SFT2D1: variants seen among roughly 807,000 people sequenced by gnomAD.
The protein encoded by SFT2D1 is vesicle transport protein SFT2A.
A neutral mutation model predicts 28.1 loss-of-function variants in SFT2D1; 24 were observed. The ratio of observed to expected loss-of-function variants is 0.85; its 90% CI spans 0.62 to 1.20. The LOEUF is 1.20. SFT2D1 is among the 50% of genes most tolerant of loss of function. The pLI is 0.00. For synonymous variants in SFT2D1, 82 were observed against 73.7 expected, an observed-to-expected ratio of 1.11 and a Z score of -0.58; for missense variants, 181 against 190.9, an observed-to-expected ratio of 0.95 and a Z score of 0.31.
chr6:166,341,362 T>C (rs1209163054), intron 1 of SFT2D1, among the ~76,000 whole-genome samples: 7 of 151,068 alleles, frequency 4.6e-5, no homozygotes. Flanking sequence ...GGCAGGAGAA[T>C]TGCTTGAACC....
intron 4 of SFT2D1, among the ~76,000 whole-genome samples, chr6:166,327,715 C>T (rs1778473781): frequency 6.6e-6 from 1 of 152,166 alleles, no homozygotes; most frequent in Non-Finnish European, 1.5e-5. Flanking sequence ...CTACACCATG[C>T]CATATACGCA....
At chr6:166,333,984 C>T (rs1386491631) in intron 1 of SFT2D1, among the ~76,000 whole-genome samples, 3 of 152,208 alleles carry the variant, frequency 2.0e-5, no homozygotes, top group Non-Finnish European at 4.4e-5. Context: ...CTGAGATCCA[C>T]CTGTCCACCC....
chr6:166,328,272 T>C lies in SFT2D1; in HGVS notation c.315+4A>G, dbSNP rs1778487949. The C allele has an allele frequency of 1.3e-6, 2 of 1,567,990 alleles. No homozygotes were observed. Among genetic ancestry groups the C allele is most frequent in the African/African-American group, 2.7e-5 (2 of 73,196 alleles). On this transcript the variant is annotated splice_donor_region_variant and intron_variant, in intron 4 of 7. Coordinates refer to ENST00000361731, the MANE Select transcript of SFT2D1 (RefSeq NM_145169.3). ...AAAGTTTTAAAAATGTATTATTTAC[T>C]TACAAGCATAACAATTGTTGCAAGC...
intron 7 of SFT2D1, 99 bp from the exon 8 acceptor site, chr6:166,320,355 A>G (rs1226501661): frequency 8.0e-6 from 7 of 874,144 alleles, no homozygotes; most frequent in Non-Finnish European, 1.3e-5. Flanking sequence ...ACAGAACTCA[A>G]TGGATGCTCC....
chr6:166,322,552 G>C (rs1410618808), intron 7 of SFT2D1, among the ~76,000 whole-genome samples: 1 of 151,746 alleles, frequency 6.6e-6, no homozygotes, highest in African/African-American at 2.4e-5. Flanking sequence ...AATTAGCCGG[G>C]CATGGCAGTA....
At chr6:166,339,047 T>G (rs1026714870) in intron 1 of SFT2D1, among the ~76,000 whole-genome samples, 1 of 152,122 alleles carries the variant, frequency 6.6e-6, no homozygotes, top group Admixed American at 6.5e-5. Context: ...TACGTCTTGC[T>G]GCACAAGACG....
intron 5 of SFT2D1, among the ~76,000 whole-genome samples, chr6:166,325,010 T>C (rs886998135): frequency 5.3e-5 from 8 of 152,220 alleles, no homozygotes; most frequent in Admixed American, 1.3e-4. Flanking sequence ...AGTGATATTT[T>C]GAAGGAAAAT....
intron 1 of SFT2D1, among the ~76,000 whole-genome samples, chr6:166,342,095 G>A (rs935071801): frequency 6.6e-6 from 1 of 152,060 alleles, no homozygotes; most frequent in African/African-American, 2.4e-5. Flanking sequence ...GCCAGACCCC[G>A]CACCAGGCTC....
chr6:166,340,315 T>A (rs1323065018), intron 1 of SFT2D1, among the ~76,000 whole-genome samples: 3 of 152,188 alleles, frequency 2.0e-5, no homozygotes, highest in Non-Finnish European at 1.5e-5. Flanking sequence ...GAGTGATCCT[T>A]TAAAATCCAA....
intron 3 of SFT2D1, 23 bp downstream of exon 3, chr6:166,329,484 A>AT (rs1222303401): frequency 6.3e-7 from 1 of 1,596,416 alleles, no homozygotes; most frequent in Admixed American, 1.7e-5. Context: ...AGCAAACAAG[A>AT]TATTTTGAGA....
chr6:166,328,390 G>T, intron 3 of SFT2D1, 33 bp from the exon 4 acceptor site: 2 of 1,260,478 alleles, frequency 1.6e-6, no homozygotes, highest in Non-Finnish European at 2.2e-6. Flanking sequence ...CTGAGGTACA[G>T]GTCTACTAAT....
intron 5 of SFT2D1, among the ~76,000 whole-genome samples, chr6:166,324,911 CTTAT>C (rs1460237450): frequency 6.6e-6 from 1 of 152,126 alleles, no homozygotes; most frequent in Non-Finnish European, 1.5e-5. Flanking sequence ...TCAATGTTAA[CTTAT>C]CTAGAATCGA....
At chr6:166,341,553 A>G (rs1778782662) in intron 1 of SFT2D1, among the ~76,000 whole-genome samples, 1 of 152,234 alleles carries the variant, frequency 6.6e-6, no homozygotes, top group African/African-American at 2.4e-5. Flanking sequence ...CTCTGAACCC[A>G]AAACTGTAGC....
intron 1 of SFT2D1, among the ~76,000 whole-genome samples, chr6:166,330,570 TA>T (rs1223107756): frequency 6.6e-6 from 1 of 152,018 alleles, no homozygotes; most frequent in Non-Finnish European, 1.5e-5. Flanking sequence ...ATACAAAGAT[TA>T]AAAAAACACA....
intron 1 of SFT2D1, among the ~76,000 whole-genome samples, chr6:166,337,561 C>T (rs893429922): frequency 6.6e-6 from 1 of 152,024 alleles, no homozygotes; most frequent in African/African-American, 2.4e-5. Flanking sequence ...CAGCTTCCTC[C>T]TTGTGTTTCT....
At chr6:166,334,396 T>A (rs369018438) in intron 1 of SFT2D1, among the ~76,000 whole-genome samples, 13 of 152,330 alleles carry the variant, frequency 8.5e-5, no homozygotes, top group African/African-American at 2.6e-4. Context: ...GTTCAAGACC[T>A]GCCTGGGCAA....
At chr6:166,336,735 A>T (rs1778663172) in intron 1 of SFT2D1, among the ~76,000 whole-genome samples, 1 of 151,996 alleles carries the variant, frequency 6.6e-6, no homozygotes, top group Non-Finnish European at 1.5e-5. Flanking sequence ...ACGCTCAACT[A>T]ATTTTTTAAT....
intron 7 of SFT2D1, among the ~76,000 whole-genome samples, chr6:166,322,057 T>C (rs914053493): frequency 6.6e-6 from 1 of 152,160 alleles, no homozygotes; most frequent in Non-Finnish European, 1.5e-5. Flanking sequence ...TAATTTTGTA[T>C]TTTTTAGTAG....
At chr6:166,334,411 G>GC in intron 1 of SFT2D1, among the ~76,000 whole-genome samples, 1 of 152,348 alleles carries the variant, frequency 6.6e-6, no homozygotes, top group South Asian at 2.1e-4. Flanking sequence ...GGGCAACATG[G>GC]CGAGTCCTCC....
Sources: gnomAD v4.1 joint callset for allele counts (sites outside exome capture counted in the v4.1 genomes callset) on GRCh38, gnomAD v4.1.1 for gene constraint, MANE v1.5 for transcripts, NCBI Gene and HGNC (gene_info 2026-07-23, HGNC 2026-07-21) for gene names.